OTOA: variants seen among roughly 807,000 people sequenced by gnomAD.
OTOA encodes otoancorin, also known as cancer/testis antigen 108.
In OTOA, 70 loss-of-function variants were observed where a neutral mutation model predicts 110.8. That is an observed-to-expected ratio of 0.63 (90% CI 0.52 to 0.77). OTOA has a LOEUF of 0.77. Among genes scored for constraint, OTOA ranks in the 30% least tolerant of loss-of-function variants. The pLI is 0.00. For synonymous variants in OTOA, 373 were observed against 431.5 expected (o/e 0.86, Z 1.68); for missense variants, 917 against 1,075.8 (o/e 0.85, Z 2.06).
At chr16:21,728,511 C>A in intron 20 of OTOA, 80 bp downstream of exon 20, 2 of 1,478,128 alleles carry the variant, frequency 1.4e-6, no homozygotes, top group Non-Finnish European at 1.8e-6. Flanking sequence ...TCCTGCCCTG[C>A]AAACAGAGTC....
In OTOA at chr16:21,678,897, T is replaced by A; in HGVS notation, c.92-18T>A. The A allele has an allele frequency of 6.2e-7, 1 of 1,612,164 alleles. No homozygotes were observed. The highest frequency in any genetic ancestry group is 8.5e-7 in the Non-Finnish European group (1 of 1,179,644). On this transcript the variant is annotated intron_variant, in intron 2 of 28. Coordinates refer to ENST00000646100, the MANE Select transcript of OTOA (RefSeq NM_144672.4). ...ACACAATTCAATTCTAGTTATACAT[T>A]CAATGGCTTTCTTACAGATTTGCAT... is the stretch of plus-strand genomic sequence containing the variant.
At chr16:21,668,459 C>CTT (rs374673931) in intron 1 of OTOA, among the ~76,000 whole-genome samples, 1,224 of 122,006 alleles carry the variant, frequency 0.01, 17 homozygotes, top group Non-Finnish European at 0.014. Flanking sequence ...TTGTTTCTTT[C>CTT]TTTTTTTTTT....
intron 1 of OTOA, among the ~76,000 whole-genome samples, chr16:21,666,164 C>A (rs1966840036): frequency 6.6e-6 from 1 of 151,838 alleles, no homozygotes; most frequent in South Asian, 2.1e-4. Flanking sequence ...GCCATTCCAA[C>A]ACCAAGCATT....
chr16:21,707,623 TTCTTTC>T (rs1898214819), intron 12 of OTOA, among the ~76,000 whole-genome samples: 1 of 104,110 alleles, frequency 9.6e-6, no homozygotes, highest in Non-Finnish European at 2.4e-5. Flanking sequence ...CTTTCTTTCT[TTCTTTC>T]TTTCTTTCTT....
intron 13 of OTOA, among the ~76,000 whole-genome samples, chr16:21,712,471 G>A (rs539245071): frequency 1.3e-5 from 2 of 152,196 alleles, no homozygotes; most frequent in Admixed American, 1.3e-4. Flanking sequence ...GATATGGGAA[G>A]AGGTGAAGAT....
At chr16:21,714,785 C>T (rs139149498) in intron 13 of OTOA, among the ~76,000 whole-genome samples, 200 bp from the exon 14 acceptor site, 68 of 152,266 alleles carry the variant, frequency 4.5e-4, no homozygotes, top group East Asian at 4.4e-3. Context: ...GCTGGGATTA[C>T]AGGCGTGAGC....
chr16:21,690,353 C>T (rs769412402), intron 8 of OTOA, among the ~76,000 whole-genome samples: 2 of 151,878 alleles, frequency 1.3e-5, no homozygotes, highest in Non-Finnish European at 2.9e-5. Flanking sequence ...CCCACCCCAC[C>T]CCCACAATAG....
At chr16:21,721,282 CAA>C in intron 17 of OTOA, 2 of 448,818 alleles carry the variant, frequency 4.5e-6, no homozygotes, top group East Asian at 1.4e-4. Flanking sequence ...CACACACAAA[CAA>C]CCAATACAGA....
intron 18 of OTOA, among the ~76,000 whole-genome samples, chr16:21,726,303 A>G (rs1160434538): frequency 6.6e-6 from 1 of 151,950 alleles, no homozygotes; most frequent in Non-Finnish European, 1.5e-5. Flanking sequence ...TTGCCCATTC[A>G]TGGAAGAGGA....
chr16:21,720,896 CATTATTATTATT>C (rs57835405), intron 17 of OTOA, among the ~76,000 whole-genome samples: 1 of 147,190 alleles, frequency 6.8e-6, no homozygotes, highest in African/African-American at 2.5e-5. Flanking sequence ...TACTAAAACA[CATTATTATTATT>C]ATTATTATTA....
At chr16:21,721,294 A>G (rs1898732759) in intron 17 of OTOA, 1 of 455,006 alleles carries the variant, frequency 2.2e-6, no homozygotes, top group African/African-American at 2.0e-5. Flanking sequence ...ACCAATACAG[A>G]GAAAGTAAAA....
chr16:21,755,492 AGTGAG>A (rs1354361922), intron 27 of OTOA, among the ~76,000 whole-genome samples: 2 of 101,362 alleles, frequency 2.0e-5, no homozygotes, highest in Non-Finnish European at 4.3e-5. Context: ...GTGTGTGTGT[AGTGAG>A]AGGAGAGGAG....
chr16:21,697,929 G>C, intron 10 of OTOA, 54 bp downstream of exon 10: 1 of 1,449,302 alleles, frequency 6.9e-7, no homozygotes, highest in Non-Finnish European at 9.7e-7. Context: ...CTTGGGGTAA[G>C]GTGTATTCTC....
Position 21,669,098 on chromosome 16 carries a change from C to T in OTOA, c.-5+4866C>T, listed in dbSNP as rs971507255. Among the ~76,000 whole-genome samples the T allele has an allele frequency of 2.0e-5, 3 of 152,074 alleles. No homozygotes were observed. In the South Asian group the frequency reaches 6.2e-4, roughly 32 times the overall value. On this transcript the variant is annotated intron_variant, in intron 1 of 28. Coordinates refer to ENST00000646100, the MANE Select transcript of OTOA (RefSeq NM_144672.4). ...GGATTACATGCCTGTAATCCCAGCA[C>T]TTTGGGAGCCTGTGTCAGGTGGATC...
chr16:21,717,828 G>A (rs539577768), intron 15 of OTOA, among the ~76,000 whole-genome samples: 19 of 152,136 alleles, frequency 1.2e-4, no homozygotes, highest in Non-Finnish European at 8.8e-5. Flanking sequence ...TGAATGAAAC[G>A]ACACAAATCC....
chr16:21,700,868 C>T lies in OTOA; in HGVS notation c.841-20C>T, dbSNP rs367970162. Reference sequence around the variant, plus strand: ...CTTCCACCCTCCTCACTGATATTCTCGTCCTTGTCCACCAACTAGATTGGG... The same window carrying T: ...CTTCCACCCTCCTCACTGATATTCTTGTCCTTGTCCACCAACTAGATTGGG... On this transcript the variant is annotated intron_variant, in intron 10 of 28. Transcript: ENST00000646100. 7 of 1,613,756 alleles carry T rather than the reference C, an allele frequency of 4.3e-6. No homozygotes were observed. In the South Asian group the frequency reaches 5.5e-5, roughly 13 times the overall value.
chr16:21,695,885 A>ATTTTTTT lies in OTOA; in HGVS notation c.740-1889_740-1888insTTTTTTT, dbSNP rs1216474654. Among the ~76,000 whole-genome samples, 13 of 50,502 alleles carry ATTTTTTT rather than the reference A, an allele frequency of 2.6e-4. 1 individual carries two copies. Among genetic ancestry groups the ATTTTTTT allele is most frequent in the Non-Finnish European group, 3.3e-4 (9 of 27,450 alleles). The allele number at this position is 50,502 out of a possible 152,430, so 33.1% of individuals were successfully genotyped here. ...ACTTGAGATATATATATATATATAT[A>ATTTTTTT]TATATATTTTTTTTTTTTTTTTTTT... is the stretch of plus-strand genomic sequence containing the variant. On this transcript the variant is annotated intron_variant, in intron 9 of 28. Coordinates refer to ENST00000646100, the MANE Select transcript of OTOA (RefSeq NM_144672.4).
rs1966820546 is a variant in OTOA, at chr16:21,664,088, C to G, written c.-149C>G. 1 of 152,268 alleles carries G rather than the reference C, an allele frequency of 6.6e-6. No homozygotes were observed. The highest frequency in any genetic ancestry group is 2.4e-5 in the African/African-American group (1 of 41,546). 9.4% of individuals were successfully genotyped at this position (152,268 alleles called of 1,614,324 possible). ...GCCCTGGCTGAGTTCCCACCTGGGC[C>G]GCTGCAGGGAGGAGGTCGCAGAGCT... On this transcript the variant is annotated 5_prime_UTR_variant, in exon 1 of 29. Coordinates refer to ENST00000646100, the MANE Select transcript of OTOA (RefSeq NM_144672.4).
At position 21,736,395 on chromosome 16, in the gene OTOA, G is replaced by A. The variant is rs1156350372; in HGVS notation, c.2431+5G>A. 8 of 1,614,128 alleles carry A rather than the reference G, an allele frequency of 5.0e-6. No individual in the cohort carries two copies. Among genetic ancestry groups the A allele is most frequent in the Non-Finnish European group, 6.8e-6 (8 of 1,180,004 alleles). ...CCAGCTATGACCCTATGCCTGGTGA[G>A]TGTTTTCAGGGTATCTGAGCCATTG... On this transcript the variant is annotated splice_donor_5th_base_variant and intron_variant, in intron 22 of 28. Coordinates refer to ENST00000646100, the MANE Select transcript of OTOA (RefSeq NM_144672.4).
Sources: gnomAD v4.1 joint callset for allele counts (sites outside exome capture counted in the v4.1 genomes callset) on GRCh38, gnomAD v4.1.1 for gene constraint, MANE v1.5 for transcripts, NCBI Gene and HGNC (gene_info 2026-07-23, HGNC 2026-07-21) for gene names.